Variants in KIAA0513 observed in about 807,000 individuals in gnomAD.
KIAA0513 encodes the protein KIAA0513.
Under a neutral mutation model 56.5 loss-of-function variants are expected in KIAA0513, and 39 were observed. That is an observed-to-expected ratio of 0.69 (90% CI 0.53 to 0.90). The LOEUF (loss-of-function observed/expected upper bound fraction) is 0.90, where lower values mean the gene tolerates loss of function less well. KIAA0513 is among the 40% of genes least tolerant of loss of function. The pLI is 0.00. For synonymous variants in KIAA0513, 268 were observed against 215.6 expected (o/e 1.24, Z -2.13); for missense variants, 591 against 535.2 (o/e 1.10, Z -1.03).
chr16:85,040,664 C>A (rs77836337), intron 1 of KIAA0513, among the ~76,000 whole-genome samples: 108 of 152,302 alleles, frequency 7.1e-4, no homozygotes, highest in African/African-American at 2.5e-3. Context: ...TCTTTTCATT[C>A]CCTTCTCTCT....
At chr16:85,065,766 G>C (rs532275311) in intron 1 of KIAA0513, among the ~76,000 whole-genome samples, 2 of 152,300 alleles carry the variant, frequency 1.3e-5, no homozygotes, top group African/African-American at 4.8e-5. Flanking sequence ...TGTCAGGAGG[G>C]CGTCTCCTTC....
chr16:85,048,547 C>G (rs1248508865), intron 1 of KIAA0513, among the ~76,000 whole-genome samples: 2 of 151,722 alleles, frequency 1.3e-5, no homozygotes, highest in East Asian at 1.9e-4. Flanking sequence ...TCTCAAAAAA[C>G]AAAGCTTTTA....
intron 1 of KIAA0513, among the ~76,000 whole-genome samples, chr16:85,051,219 T>G (rs1157544452): frequency 6.6e-6 from 1 of 152,182 alleles, no homozygotes; most frequent in Non-Finnish European, 1.5e-5. Context: ...CGTGGAGAAC[T>G]TAATGCGTTT....
At chr16:85,060,268 G>GTTGAT (rs1319328877) in intron 1 of KIAA0513, among the ~76,000 whole-genome samples, 5 of 152,180 alleles carry the variant, frequency 3.3e-5, no homozygotes, top group Non-Finnish European at 7.4e-5. Context: ...GCTTTCTTAG[G>GTTGAT]TTGATTTGTG....
intron 3 of KIAA0513, 60 bp downstream of exon 3, chr16:85,071,942 A>G: frequency 3.4e-6 from 4 of 1,173,468 alleles, no homozygotes; most frequent in South Asian, 2.5e-5. Context: ...CTAGTGAAGC[A>G]TAACAAATTT....
At chr16:85,084,424 G>A (rs1489790642) in intron 10 of KIAA0513, among the ~76,000 whole-genome samples, 2 of 67,698 alleles carry the variant, frequency 3.0e-5, no homozygotes, top group South Asian at 1.1e-3. Flanking sequence ...TTTTCTTTTC[G>A]TTCTCTTTTT....
rs547518981 is a variant in KIAA0513, at chr16:85,052,453, C to T, written c.-172-14447C>T. ...CTTGAACCTGGGAGGCCGAGGTTCC[C>T]AGGTTCCATTGCATCGTGCCATTGC... On this transcript the variant is annotated intron_variant, in intron 1 of 12. Transcript: ENST00000683363. 9.9e-5 allele frequency among the ~76,000 whole-genome samples: 15 copies of T among 152,232 alleles called. 1 individual carries two copies. In the South Asian group the frequency reaches 3.1e-3, roughly 32 times the overall value.
At chr16:85,085,674 A>G (rs544862344) in intron 10 of KIAA0513, among the ~76,000 whole-genome samples, 1 of 152,300 alleles carries the variant, frequency 6.6e-6, no homozygotes, top group South Asian at 2.1e-4. Flanking sequence ...GGCAACACAG[A>G]AAAGCTCTGT....
In KIAA0513 at chr16:85,077,544, A is replaced by G; in HGVS notation, c.694A>G (p.Lys232Glu). 6.2e-7 allele frequency: 1 copy of G among 1,614,152 alleles called. No individual in the cohort carries two copies. Among genetic ancestry groups the G allele is most frequent in the Non-Finnish European group, 8.5e-7 (1 of 1,180,022 alleles). Residue 232 changes from lysine (K) to glutamate (E), a missense_variant, in exon 6 of 13, where the codon AAG (lysine) becomes GAG (glutamate). Physicochemically the swap from Lys to Glu is moderately conservative, Grantham distance 56 (BLOSUM62 1). Transcript: ENST00000683363. ...GAAGGACATCGCCGAGCGGCTGCTG[A>G]AGAACACCTCGGCCAGGACTGAGAA... is the stretch of plus-strand genomic sequence containing the variant. ...EKKDIAERLL[K>E]NTSARTENVK...
chr16:85,070,178 A>G (rs2073551749), intron 2 of KIAA0513, among the ~76,000 whole-genome samples: 1 of 142,670 alleles, frequency 7.0e-6, no homozygotes, highest in South Asian at 2.4e-4. Flanking sequence ...CTCAAAAAAA[A>G]AAAAAGAAAA....
intron 4 of KIAA0513, among the ~76,000 whole-genome samples, chr16:85,074,131 T>A (rs1317905599): frequency 2.0e-5 from 3 of 151,864 alleles, no homozygotes; most frequent in Non-Finnish European, 1.5e-5. Flanking sequence ...CGCACTATCA[T>A]GCCCAGCTAA....
chr16:85,091,886 C>T lies in KIAA0513; in HGVS notation c.*3561C>T, dbSNP rs1302516218. 1 of 151,598 alleles carries T rather than the reference C, an allele frequency of 6.6e-6. No individual in the cohort carries two copies. Among genetic ancestry groups the T allele is most frequent in the African/African-American group, 2.4e-5 (1 of 41,172 alleles). The allele number at this position is 151,598 out of a possible 1,614,324, so 9.4% of individuals were successfully genotyped here. ...CTAACTGGGGTTCCTTAGCTGGAAG[C>T]CAGGGCTGGAAGCTACAGGCCTGAC... On this transcript the variant is annotated 3_prime_UTR_variant, in exon 13 of 13. Coordinates refer to ENST00000683363, the MANE Select transcript of KIAA0513 (RefSeq NM_001388359.1).
chr16:85,056,188 G>A (rs1000266134), intron 1 of KIAA0513, among the ~76,000 whole-genome samples: 1 of 152,368 alleles, frequency 6.6e-6, no homozygotes, highest in Admixed American at 6.5e-5. Context: ...ACGGTCTGCA[G>A]TGGGGATCCA....
chr16:85,037,219 C>T (rs912419870), intron 1 of KIAA0513, among the ~76,000 whole-genome samples: 2 of 151,952 alleles, frequency 1.3e-5, no homozygotes, highest in African/African-American at 2.4e-5. Context: ...CACAGCCAGG[C>T]GTGACTCACA....
Position 85,077,411 on chromosome 16 carries a change from C to G in KIAA0513, c.575-14C>G. 1 of 1,613,176 alleles carries G rather than the reference C, an allele frequency of 6.2e-7. No individual in the cohort carries two copies. Among genetic ancestry groups the G allele is most frequent in the Non-Finnish European group, 8.5e-7 (1 of 1,179,524 alleles). ...AGCCTCACTGGCCTCGTCTTGTTCC[C>G]TCTCTCATCCAAGGAAAACCACAGC... On this transcript the variant is annotated splice_polypyrimidine_tract_variant and intron_variant, in intron 5 of 12. Coordinates refer to ENST00000683363, the MANE Select transcript of KIAA0513 (RefSeq NM_001388359.1).
intron 1 of KIAA0513, among the ~76,000 whole-genome samples, chr16:85,035,091 C>T (rs2064158685): frequency 6.6e-6 from 1 of 152,178 alleles, no homozygotes; most frequent in African/African-American, 2.4e-5. Context: ...CTGATTTCCA[C>T]CTGGCTGTCA....
chr16:85,082,938 C>G (rs1004591908), intron 10 of KIAA0513, among the ~76,000 whole-genome samples: 2 of 152,262 alleles, frequency 1.3e-5, no homozygotes, highest in African/African-American at 4.8e-5. Flanking sequence ...CTGAGCCAGC[C>G]GTGCTCTCCA....
intron 1 of KIAA0513, among the ~76,000 whole-genome samples, chr16:85,033,694 A>AG (rs927931116): frequency 5.3e-5 from 8 of 152,122 alleles, no homozygotes; most frequent in African/African-American, 1.7e-4. Flanking sequence ...AGGGTAGAGC[A>AG]GGACCGTCGC....
chr16:85,046,293 T>C (rs1484649870), intron 1 of KIAA0513, among the ~76,000 whole-genome samples: 4 of 152,174 alleles, frequency 2.6e-5, no homozygotes, highest in African/African-American at 9.7e-5. Context: ...AAAACAAACA[T>C]CTTACCTAAC....
Sources: gnomAD v4.1 joint callset for allele counts (sites outside exome capture counted in the v4.1 genomes callset) on GRCh38, gnomAD v4.1.1 for gene constraint, MANE v1.5 for transcripts, NCBI Gene and HGNC (gene_info 2026-07-23, HGNC 2026-07-21) for gene names.